CADM2: variants seen among roughly 807,000 people sequenced by gnomAD.
CADM2 encodes the protein cell adhesion molecule 2, also known as immunoglobulin superfamily member 4D.
In CADM2, 12 loss-of-function variants were observed where a neutral mutation model predicts 49.8. That is an observed-to-expected ratio of 0.24 (90% CI 0.15 to 0.39). The LOEUF (loss-of-function observed/expected upper bound fraction) is 0.39. CADM2 is among the 10% of genes least tolerant of loss of function. The pLI is 1.00. For missense variants in CADM2, 378 were observed against 492.3 expected (o/e 0.77, Z 2.20); for synonymous variants, 214 against 175.4 (o/e 1.22, Z -1.74).
intron 8 of CADM2, among the ~76,000 whole-genome samples, chr3:86,061,590 T>G (rs1168394366): frequency 2.6e-5 from 4 of 152,144 alleles, no homozygotes; most frequent in Non-Finnish European, 5.9e-5. Flanking sequence ...ATAATCTTAT[T>G]GCAAAAGTGT....
At chr3:85,118,812 C>T (rs532239233) in intron 1 of CADM2, among the ~76,000 whole-genome samples, 20 of 152,242 alleles carry the variant, frequency 1.3e-4, no homozygotes, top group South Asian at 2.1e-4. Context: ...TGCAATGGCG[C>T]GATCTCCGCT....
intron 9 of CADM2, among the ~76,000 whole-genome samples, 165 bp from the exon 10 acceptor site, chr3:86,066,500 G>A (rs151151740): frequency 4.8e-3 from 738 of 152,184 alleles, no homozygotes; most frequent in Non-Finnish European, 7.7e-3. Flanking sequence ...CACCTGCAGC[G>A]TACCTGAAAA....
intron 1 of CADM2, among the ~76,000 whole-genome samples, chr3:85,012,336 A>C (rs1159671178): frequency 6.8e-6 from 1 of 147,336 alleles, no homozygotes; most frequent in Non-Finnish European, 1.5e-5. Flanking sequence ...TTTTTTCCTT[A>C]GCACTTAAAA....
intron 1 of CADM2, among the ~76,000 whole-genome samples, chr3:85,698,991 A>G (rs1415006859): frequency 2.0e-5 from 3 of 152,216 alleles, no homozygotes; most frequent in South Asian, 2.1e-4. Context: ...CTCCCAAGCT[A>G]CAATGGGGTA....
intron 1 of CADM2, among the ~76,000 whole-genome samples, chr3:85,215,472 C>T (rs1296226637): frequency 2.7e-5 from 4 of 149,526 alleles, no homozygotes; most frequent in Non-Finnish European, 5.9e-5. Context: ...GTCCTTTTTA[C>T]TCTCTCCTCT....
At chr3:85,867,874 A>C (rs919129299) in intron 3 of CADM2, among the ~76,000 whole-genome samples, 2 of 151,972 alleles carry the variant, frequency 1.3e-5, no homozygotes, top group African/African-American at 2.4e-5. Context: ...TATTTTCTGG[A>C]GCCTCATCTA....
At chr3:85,545,917 A>G (rs1480779450) in intron 1 of CADM2, among the ~76,000 whole-genome samples, 6 of 152,222 alleles carry the variant, frequency 3.9e-5, no homozygotes, top group Admixed American at 3.9e-4. Context: ...GAGCATATAG[A>G]TTAAAATGCC....
At chr3:85,402,220 C>T (rs2035148273) in intron 1 of CADM2, among the ~76,000 whole-genome samples, 2 of 151,888 alleles carry the variant, frequency 1.3e-5, no homozygotes, top group South Asian at 4.1e-4. Flanking sequence ...AGAGAAACTA[C>T]AAGACCTTAA....
chr3:85,630,912 A>G (rs2064286789), intron 1 of CADM2, among the ~76,000 whole-genome samples: 1 of 152,028 alleles, frequency 6.6e-6, no homozygotes, highest in African/African-American at 2.4e-5. Context: ...GCTTTGTATT[A>G]CAATTAGAAA....
intron 1 of CADM2, among the ~76,000 whole-genome samples, chr3:85,291,676 T>C (rs1206523027): frequency 4.8e-5 from 7 of 146,846 alleles, no homozygotes; most frequent in Non-Finnish European, 1.0e-4. Context: ...GAATTTCATA[T>C]CCAGGCAAAC....
intron 3 of CADM2, among the ~76,000 whole-genome samples, chr3:85,819,136 A>G (rs757255430): frequency 2.0e-5 from 3 of 152,158 alleles, no homozygotes; most frequent in Non-Finnish European, 4.4e-5. Context: ...AAGAACCTAG[A>G]GTCCGATGTT....
intron 1 of CADM2, among the ~76,000 whole-genome samples, chr3:85,200,184 T>C (rs1049759190): frequency 2.6e-5 from 4 of 152,050 alleles, no homozygotes; most frequent in African/African-American, 9.7e-5. Flanking sequence ...ATATTTAATA[T>C]AGACGTTAAT....
chr3:85,949,026 A>C (rs753982212), intron 7 of CADM2, among the ~76,000 whole-genome samples: 2 of 151,458 alleles, frequency 1.3e-5, no homozygotes, highest in Non-Finnish European at 3.0e-5. Flanking sequence ...AATTGCAAGA[A>C]TGAAGATAGT....
intron 1 of CADM2, among the ~76,000 whole-genome samples, chr3:85,556,452 C>G (rs989672334): frequency 2.0e-5 from 3 of 152,056 alleles, no homozygotes; most frequent in Admixed American, 1.3e-4. Context: ...AATTTAACGT[C>G]AAAAACTACA....
At chr3:85,288,944 A>G (rs1011842372) in intron 1 of CADM2, among the ~76,000 whole-genome samples, 3 of 152,156 alleles carry the variant, frequency 2.0e-5, no homozygotes, top group Non-Finnish European at 4.4e-5. Context: ...TGAGATAAAT[A>G]CACACTGTAC....
intron 1 of CADM2, among the ~76,000 whole-genome samples, chr3:85,237,845 G>A (rs1296145358): frequency 6.6e-6 from 1 of 151,662 alleles, no homozygotes; most frequent in African/African-American, 2.4e-5. Context: ...TAGTTATTTG[G>A]AAAGTAAGTA....
At chr3:85,351,754 T>A (rs1344124712) in intron 1 of CADM2, among the ~76,000 whole-genome samples, 1 of 152,164 alleles carries the variant, frequency 6.6e-6, no homozygotes, top group African/African-American at 2.4e-5. Context: ...TGTCTATATT[T>A]GAATAGTGTC....
intron 1 of CADM2, among the ~76,000 whole-genome samples, chr3:85,490,287 C>T (rs2039617528): frequency 6.6e-6 from 1 of 152,046 alleles, no homozygotes; most frequent in African/African-American, 2.4e-5. Flanking sequence ...CTCAAATTCT[C>T]TAACTGTAAC....
At chr3:85,022,386 G>A (rs1183489150) in intron 1 of CADM2, among the ~76,000 whole-genome samples, 2 of 152,176 alleles carry the variant, frequency 1.3e-5, no homozygotes, top group Non-Finnish European at 2.9e-5. Context: ...GCAGTTGGGG[G>A]ATTGCTCCTC....
Sources: gnomAD v4.1 joint callset for allele counts (sites outside exome capture counted in the v4.1 genomes callset) on GRCh38, gnomAD v4.1.1 for gene constraint, MANE v1.5 for transcripts, NCBI Gene and HGNC (gene_info 2026-07-23, HGNC 2026-07-21) for gene names.